The following DLG2 variants were observed in gnomAD, a reference collection of about 807,000 sequenced individuals.
DLG2 encodes discs large MAGUK scaffold protein 2.
A neutral mutation model predicts 132.5 loss-of-function variants in DLG2; 45 were observed. The ratio of observed to expected loss-of-function variants is 0.34; its 90% CI spans 0.27 to 0.44. The LOEUF is 0.44. Ranked by LOEUF, DLG2 falls within the 20% of genes least tolerant of loss-of-function variation. DLG2 has a pLI of 1.00. For missense variants in DLG2, 1,045 were observed against 1,196.9 expected (o/e 0.87, Z 1.87); for synonymous variants, 424 against 419.6 (o/e 1.01, Z -0.13).
chr11:85,045,344 G>T (rs1179920514), intron 6 of DLG2, among the ~76,000 whole-genome samples: 1 of 152,038 alleles, frequency 6.6e-6, no homozygotes, highest in Non-Finnish European at 1.5e-5. Flanking sequence ...CTGCCACTCA[G>T]TTGTTTTATT....
rs530655077 is a variant in DLG2, at chr11:84,178,753, AC to A, written c.574-15243del. Among the ~76,000 whole-genome samples the A allele has an allele frequency of 6.6e-5, 10 of 152,184 alleles. No individual in the cohort carries two copies. In the South Asian group the frequency reaches 2.1e-3, roughly 32 times the overall value. The stretch of plus-strand genomic sequence containing the variant: ...AACAACAACAAAAAAGAAAAAAAAA[AC>A]AAGACAGACTCATCAGAGACATCAG... On this transcript the variant is annotated intron_variant, in intron 8 of 27. Transcript: ENST00000376104.
chr11:84,146,037 T>C (rs997897936), intron 9 of DLG2, among the ~76,000 whole-genome samples: 3 of 152,194 alleles, frequency 2.0e-5, no homozygotes, highest in Admixed American at 1.3e-4. Context: ...AAAAGCCAGC[T>C]GGTTTCCAAA....
chr11:84,321,222 C>T (rs2098402703), intron 7 of DLG2, among the ~76,000 whole-genome samples: 1 of 152,128 alleles, frequency 6.6e-6, no homozygotes, highest in South Asian at 2.1e-4. Context: ...CTTTCAATCA[C>T]CATGATGACC....
intron 3 of DLG2, among the ~76,000 whole-genome samples, chr11:85,471,950 G>C (rs2092997119): frequency 6.6e-6 from 1 of 152,122 alleles, no homozygotes; most frequent in Admixed American, 6.5e-5. Context: ...ACCATAATGT[G>C]ACTTTTAGAT....
At chr11:84,231,719 A>G (rs969822647) in intron 8 of DLG2, among the ~76,000 whole-genome samples, 1 of 152,144 alleles carries the variant, frequency 6.6e-6, no homozygotes, top group East Asian at 1.9e-4. Context: ...ACCACTGAAA[A>G]CTTTCAGGTA....
chr11:83,728,810 T>A (rs181370858), intron 18 of DLG2, among the ~76,000 whole-genome samples: 2 of 152,324 alleles, frequency 1.3e-5, no homozygotes, highest in Non-Finnish European at 2.9e-5. Flanking sequence ...GGGAATCCAT[T>A]TGGTCCCTGC....
chr11:83,971,009 C>T (rs542196251), intron 12 of DLG2, among the ~76,000 whole-genome samples: 1 of 152,132 alleles, frequency 6.6e-6, no homozygotes, highest in Non-Finnish European at 1.5e-5. Context: ...GTGCATTATC[C>T]TATGAACTCT....
intron 6 of DLG2, among the ~76,000 whole-genome samples, chr11:84,848,067 A>C (rs1479909258): frequency 6.6e-6 from 1 of 152,182 alleles, no homozygotes; most frequent in African/African-American, 2.4e-5. Flanking sequence ...TGGAGCCAGA[A>C]GCCCAGAGAA....
intron 18 of DLG2, among the ~76,000 whole-genome samples, chr11:83,659,777 C>T (rs185824732): frequency 1.3e-5 from 2 of 152,326 alleles, no homozygotes; most frequent in South Asian, 2.1e-4. Context: ...TCCTGAATTC[C>T]CATTTGCATA....
intron 6 of DLG2, among the ~76,000 whole-genome samples, chr11:84,735,624 G>C (rs571887679): frequency 3.3e-5 from 5 of 151,628 alleles, no homozygotes; most frequent in Non-Finnish European, 5.9e-5. Context: ...GATTTTTTTC[G>C]TCTCTAACTC....
chr11:85,389,700 A>G (rs2086638557), intron 3 of DLG2, among the ~76,000 whole-genome samples: 1 of 152,194 alleles, frequency 6.6e-6, no homozygotes, highest in South Asian at 2.1e-4. Context: ...TTAGGGTCAT[A>G]TCTTTAGCCT....
intron 3 of DLG2, among the ~76,000 whole-genome samples, chr11:85,574,324 C>T (rs1350040314): frequency 6.6e-6 from 1 of 151,648 alleles, no homozygotes; most frequent in Non-Finnish European, 1.5e-5. Flanking sequence ...AAACTACTTA[C>T]TTAATATAGC....
intron 6 of DLG2, among the ~76,000 whole-genome samples, chr11:84,951,675 C>A (rs1022706537): frequency 6.7e-6 from 1 of 149,614 alleles, no homozygotes; most frequent in Non-Finnish European, 1.5e-5. Context: ...TATATACACA[C>A]ACATATATAT....
chr11:83,467,708 C>T (rs2136300743), intron 25 of DLG2, among the ~76,000 whole-genome samples: 1 of 146,204 alleles, frequency 6.8e-6, no homozygotes, highest in Admixed American at 7.0e-5. Context: ...TGAGACCGTG[C>T]CATGGCATTC....
intron 6 of DLG2, among the ~76,000 whole-genome samples, chr11:84,887,051 T>C (rs1298308807): frequency 6.6e-6 from 1 of 152,142 alleles, no homozygotes; most frequent in Non-Finnish European, 1.5e-5. Flanking sequence ...TGATGTGGAC[T>C]TGAAACTATA....
At chr11:85,453,810 G>A (rs1308905058) in intron 3 of DLG2, 2 of 151,998 alleles carry the variant, frequency 1.3e-5, no homozygotes, top group Non-Finnish European at 2.9e-5. Context: ...TGGGTTTAGG[G>A]GTACATGCAC....
chr11:84,732,782 A>C (rs1030599358), intron 6 of DLG2, among the ~76,000 whole-genome samples: 1 of 145,856 alleles, frequency 6.9e-6, no homozygotes, highest in Non-Finnish European at 1.5e-5. Context: ...TCCTAATGCT[A>C]TCCCTCCCCC....
chr11:84,331,026 G>T (rs1349529622), intron 7 of DLG2, among the ~76,000 whole-genome samples: 1 of 152,184 alleles, frequency 6.6e-6, no homozygotes, highest in East Asian at 1.9e-4. Context: ...GATGGAAATG[G>T]TTTTCTAAAC....
rs2091674752 is a variant in DLG2 at position 83,469,377 on chromosome 11, T to C, written c.2447-4A>G. The C allele has an allele frequency of 2.5e-6, 4 of 1,601,808 alleles. No homozygotes were observed. Among genetic ancestry groups the C allele is most frequent in the East Asian group, 4.5e-5 (2 of 44,782 alleles). On this transcript the variant is annotated splice_polypyrimidine_tract_variant and splice_region_variant and intron_variant, in intron 24 of 27. Transcript: ENST00000376104. ...TCTCGCTTTGGCCTCGTAGTATCTT[T>C]ATAAAACAAAAAATGATAAAATTAA...
Sources: gnomAD v4.1 joint callset for allele counts (sites outside exome capture counted in the v4.1 genomes callset) on GRCh38, gnomAD v4.1.1 for gene constraint, MANE v1.5 for transcripts, NCBI Gene and HGNC (gene_info 2026-07-23, HGNC 2026-07-21) for gene names.